DEFB1: variants seen among roughly 807,000 people sequenced by gnomAD.
DEFB1 encodes beta-defensin 1.
Under a neutral mutation model 2.6 loss-of-function variants are expected in DEFB1, and 4 were observed. The observed-to-expected ratio is 1.53, with a 90% confidence interval of 0.76 to 3.51. DEFB1 has a LOEUF of 3.51. Ranked by LOEUF, DEFB1 falls within the 30% of genes most tolerant of loss-of-function variation. The probability of loss-of-function intolerance (pLI) is 0.01; values close to 1 mark genes in which losing one functional copy is unlikely to be tolerated. For synonymous variants in DEFB1, 56 were observed against 28.5 expected, an observed-to-expected ratio of 1.96 and a Z score of -3.07; for missense variants, 162 against 76.9, an observed-to-expected ratio of 2.11 and a Z score of -4.14.
In DEFB1 at chr8:6,870,768, A is replaced by G. The variant is rs1294276222; in HGVS notation, c.120T>C (p.Ser40=). ...AGGCAGAATAGAGACATTGCCCTCC[A>G]CTGCTGACGCAATTGTAATGATCAG... is the stretch of plus-strand genomic sequence containing the variant. ...HRSDHYNCVS[S]GGQCLYSACP... The change falls in exon 2 of 2, where the codon AGT becomes AGC. Residue 40 remains serine, a synonymous_variant. Coordinates refer to ENST00000297439, the MANE Select transcript of DEFB1 (RefSeq NM_005218.4). 2 of 1,614,230 alleles carry G rather than the reference A, an allele frequency of 1.2e-6. No homozygotes were observed. Among genetic ancestry groups the G allele is most frequent in the Admixed American group, 1.7e-5 (1 of 60,028 alleles).
chr8:6,872,435 T>G (rs1806357186), intron 1 of DEFB1, among the ~76,000 whole-genome samples: 1 of 152,140 alleles, frequency 6.6e-6, no homozygotes. Context: ...TGCAGAACGT[T>G]TTATTCAACT....
chr8:6,874,118 TACACAC>T (rs756827017), intron 1 of DEFB1, among the ~76,000 whole-genome samples: 1 of 120,232 alleles, frequency 8.3e-6, no homozygotes, highest in Non-Finnish European at 1.7e-5. Flanking sequence ...ATATCTGACA[TACACAC>T]ACACACACAC....
chr8:6,876,493 A>G (rs1433228505), intron 1 of DEFB1, among the ~76,000 whole-genome samples: 1 of 151,708 alleles, frequency 6.6e-6, no homozygotes, highest in Non-Finnish European at 1.5e-5. Context: ...ACAAAACAAA[A>G]CAAAACAAAA....
chr8:6,871,744 C>T (rs957781007), intron 1 of DEFB1, among the ~76,000 whole-genome samples: 11 of 152,126 alleles, frequency 7.2e-5, no homozygotes, highest in African/African-American at 2.2e-4. Flanking sequence ...CATGTGAGGA[C>T]CCAGGGAGGC....
Position 6,877,739 on chromosome 8 carries a change from T to G in DEFB1, c.61+58A>C, listed in dbSNP as rs1585002812. ...CGGAGGCAGCCATCCGAGACTCACA[T>G]CAGCCCCATTGTCCCCAGCCCTGGG... On this transcript the variant is annotated intron_variant, in intron 1 of 1. Coordinates refer to ENST00000297439, the MANE Select transcript of DEFB1 (RefSeq NM_005218.4). 3.4e-6 allele frequency: 5 copies of G among 1,475,384 alleles called. No individual in the cohort carries two copies. The East Asian group carries it at 1.1e-4, about 34-fold the overall frequency. 91.4% of individuals were successfully genotyped at this position (1,475,384 alleles called of 1,614,324 possible).
intron 1 of DEFB1, among the ~76,000 whole-genome samples, chr8:6,875,109 C>CACACA (rs71214967): frequency 6.9e-6 from 1 of 145,378 alleles, no homozygotes; most frequent in Non-Finnish European, 1.5e-5. Flanking sequence ...CACACACACA[C>CACACA]CCCATTGCCA....
At chr8:6,874,916 G>A (rs965024637) in intron 1 of DEFB1, among the ~76,000 whole-genome samples, 3 of 151,820 alleles carry the variant, frequency 2.0e-5, no homozygotes, top group African/African-American at 4.8e-5. Context: ...TGGGAGGGAG[G>A]GGTTGCGGTT....
In DEFB1 at chr8:6,877,492, G is replaced by T. The variant is rs56327010; in HGVS notation, c.61+305C>A. On this transcript the variant is annotated intron_variant, in intron 1 of 1. Transcript: ENST00000297439. The stretch of plus-strand genomic sequence containing the variant: ...GCCTCTCAGTGTGAGGAGTCGTCTT[G>T]CAGGGGAAGCAGCAATCTCATCCAC... 2.6e-5 allele frequency among the ~76,000 whole-genome samples: 4 copies of T among 152,240 alleles called. No homozygotes were observed. In the South Asian group the frequency reaches 8.3e-4, roughly 31 times the overall value.
chr8:6,874,977 G>A (rs1417394742), intron 1 of DEFB1, among the ~76,000 whole-genome samples: 43 of 91,838 alleles, frequency 4.7e-4, no homozygotes, highest in African/African-American at 1.6e-3. Flanking sequence ...GCGAGACTCA[G>A]TCTCAAAAAA....
Position 6,877,868 on chromosome 8 carries a change from A to G in DEFB1, c.-11T>C. On this transcript the variant is annotated 5_prime_UTR_variant, in exon 1 of 2. Transcript: ENST00000297439. ...GTAGGAAGTTCTCATGGCGACTGGCAGGCAACACCCAGGATTTCAGGAACT... is the reference window on the plus strand; with the variant it reads ...GTAGGAAGTTCTCATGGCGACTGGCGGGCAACACCCAGGATTTCAGGAACT... 1 of 1,613,854 alleles carries G rather than the reference A, an allele frequency of 6.2e-7. No individual in the cohort carries two copies. Among genetic ancestry groups the G allele is most frequent in the Non-Finnish European group, 8.5e-7 (1 of 1,179,784 alleles).
chr8:6,875,498 G>A (rs1028175354), intron 1 of DEFB1, among the ~76,000 whole-genome samples: 2 of 152,192 alleles, frequency 1.3e-5, no homozygotes, highest in Non-Finnish European at 2.9e-5. Flanking sequence ...CCAGTTGCCT[G>A]TAACTATGTA....
At chr8:6,876,183 T>TA (rs572888527) in intron 1 of DEFB1, among the ~76,000 whole-genome samples, 36 of 152,192 alleles carry the variant, frequency 2.4e-4, no homozygotes, top group Non-Finnish European at 4.7e-4. Context: ...TCTATTCCTT[T>TA]AAAAAAACAT....
intron 1 of DEFB1, among the ~76,000 whole-genome samples, chr8:6,876,413 G>A (rs553204560): frequency 2.0e-5 from 3 of 152,130 alleles, no homozygotes; most frequent in African/African-American, 7.2e-5. Flanking sequence ...GGAGGTGGAG[G>A]TTGCAGTGAG....
At chr8:6,872,878 C>T (rs1249425778) in intron 1 of DEFB1, among the ~76,000 whole-genome samples, 1 of 152,222 alleles carries the variant, frequency 6.6e-6, no homozygotes, top group Non-Finnish European at 1.5e-5. Context: ...GCACTGGAGG[C>T]TCCCAGTGCT....
chr8:6,875,719 A>G (rs985013122), intron 1 of DEFB1, among the ~76,000 whole-genome samples: 2 of 152,242 alleles, frequency 1.3e-5, no homozygotes, highest in Non-Finnish European at 2.9e-5. Flanking sequence ...TGTCCAATAC[A>G]ATTGAATATA....
Position 6,870,797 on chromosome 8 carries a change from T to G in DEFB1, c.91A>C (p.Arg31=). 3 of 1,613,968 alleles carry G rather than the reference T, an allele frequency of 1.9e-6. No homozygotes were observed. The highest frequency in any genetic ancestry group is 2.5e-6 in the Non-Finnish European group (3 of 1,179,940). ...GGNFLTGLGH[R]SDHYNCVSSG... ...CTGACGCAATTGTAATGATCAGATC[T>G]GTGGCCAAGGCCTGTGAGAAAGTTA... is the stretch of plus-strand genomic sequence containing the variant. Residue 31 remains arginine (R), a synonymous_variant, in exon 2 of 2, where the codon AGA becomes CGA. Transcript: ENST00000297439.
At chr8:6,873,859 A>G (rs914975416) in intron 1 of DEFB1, among the ~76,000 whole-genome samples, 3 of 152,076 alleles carry the variant, frequency 2.0e-5, no homozygotes, top group African/African-American at 4.8e-5. Flanking sequence ...TACTTTTACA[A>G]CCTTTGGTCT....
chr8:6,874,278 A>G (rs1806437134), intron 1 of DEFB1, among the ~76,000 whole-genome samples: 1 of 152,346 alleles, frequency 6.6e-6, no homozygotes, highest in Non-Finnish European at 1.5e-5. Context: ...AAAAGTTATT[A>G]TGAAGGCCTG....
chr8:6,871,653 C>T (rs547673636), intron 1 of DEFB1, among the ~76,000 whole-genome samples: 43 of 152,268 alleles, frequency 2.8e-4, no homozygotes, highest in South Asian at 6.2e-4. Context: ...AAGTTAAACA[C>T]GGTCATTGGG....
Sources: allele counts gnomAD v4.1 joint callset (sites outside exome capture counted in the v4.1 genomes callset), GRCh38; gene constraint gnomAD v4.1.1; transcripts MANE v1.5; gene names NCBI Gene and HGNC (gene_info 2026-07-23, HGNC 2026-07-21).